ZC3HAV1: variants seen among roughly 807,000 people sequenced by gnomAD.
ZC3HAV1 encodes the protein zinc finger CCCH-type containing, antiviral 1.
ZC3HAV1 carries 41 observed loss-of-function variants against 86.6 expected under a neutral mutation model. That is an observed-to-expected ratio of 0.47 (90% CI 0.37 to 0.61). The LOEUF is 0.61. Ranked by LOEUF, ZC3HAV1 falls within the 20% of genes least tolerant of loss-of-function variation. The pLI is 0.00. For synonymous variants in ZC3HAV1, 421 were observed against 432.1 expected (o/e 0.97, Z 0.32); for missense variants, 964 against 1,141.1 (o/e 0.84, Z 2.24).
At chr7:139,050,028 A>C (rs938169503) in intron 12 of ZC3HAV1, 5 of 159,908 alleles carry the variant, frequency 3.1e-5, no homozygotes, top group African/African-American at 1.2e-4. Flanking sequence ...ACCGCAGGCC[A>C]CTTATGGGAA....
At chr7:139,090,434 A>C (rs187137594) in intron 1 of ZC3HAV1, among the ~76,000 whole-genome samples, 50 of 152,290 alleles carry the variant, frequency 3.3e-4, no homozygotes, top group African/African-American at 1.1e-3. Flanking sequence ...AAAATATGTC[A>C]ATTTCCATAA....
chr7:139,094,010 G>A (rs1415376016), intron 1 of ZC3HAV1, among the ~76,000 whole-genome samples: 1 of 152,134 alleles, frequency 6.6e-6, no homozygotes, highest in Non-Finnish European at 1.5e-5. Flanking sequence ...TGGCCTCTTG[G>A]GGTTTGCTAA....
At chr7:139,067,570 T>C (rs1334480858) in intron 7 of ZC3HAV1, among the ~76,000 whole-genome samples, 1 of 152,098 alleles carries the variant, frequency 6.6e-6, no homozygotes, top group African/African-American at 2.4e-5. Context: ...TAGGGCAGGT[T>C]GGGAGGGGAG....
chr7:139,104,289 TC>T (rs1178902250), intron 1 of ZC3HAV1, among the ~76,000 whole-genome samples: 1 of 134,152 alleles, frequency 7.5e-6, no homozygotes, highest in Non-Finnish European at 1.6e-5. Flanking sequence ...AACACCCACA[TC>T]GGCAAAAACC....
intron 4 of ZC3HAV1, among the ~76,000 whole-genome samples, chr7:139,078,908 T>C (rs2236423): frequency 0.29 from 43,435 of 152,142 alleles, 7,324 homozygotes; most frequent in East Asian, 0.43. Context: ...AATGTGGCAG[T>C]TTATTCCCTG....
intron 7 of ZC3HAV1, among the ~76,000 whole-genome samples, chr7:139,070,403 A>G (rs1013956394): frequency 1.3e-5 from 2 of 152,130 alleles, no homozygotes; most frequent in African/African-American, 2.4e-5. Flanking sequence ...AGTGGCTCAC[A>G]TCTGTAATCC....
At position 139,059,892 on chromosome 7, in the gene ZC3HAV1, C is replaced by T. The variant is rs140574253; in HGVS notation, c.2096+1144G>A. On this transcript the variant is annotated intron_variant, in intron 9 of 12. Transcript: ENST00000242351. The stretch of plus-strand genomic sequence containing the variant: ...CCTGATCAGTGTTCGGAATGTGTTA[C>T]CCAAGCAACCGTGAGGAAGGTATTA... Among the ~76,000 whole-genome samples the T allele has an allele frequency of 7.9e-5, 12 of 152,222 alleles. No individual in the cohort carries two copies. In the East Asian group the frequency reaches 1.9e-3, roughly 24 times the overall value.
At chr7:139,106,592 G>T (rs1817942737) in intron 1 of ZC3HAV1, among the ~76,000 whole-genome samples, 1 of 152,040 alleles carries the variant, frequency 6.6e-6, no homozygotes, top group African/African-American at 2.4e-5. Flanking sequence ...CCAGCCTTGG[G>T]TGACCCTATC....
chr7:139,071,639 T>G (rs899412217), intron 7 of ZC3HAV1, among the ~76,000 whole-genome samples: 1 of 152,154 alleles, frequency 6.6e-6, no homozygotes, highest in Non-Finnish European at 1.5e-5. Context: ...CAAAGTTTAA[T>G]ATCATAGGTG....
intron 1 of ZC3HAV1, among the ~76,000 whole-genome samples, chr7:139,095,555 C>G (rs557297449): frequency 1.3e-5 from 2 of 152,138 alleles, no homozygotes; most frequent in South Asian, 4.1e-4. Context: ...CAGCCTGCAC[C>G]GAGGAGGAAG....
At chr7:139,050,714 T>C (rs1816096731) in intron 12 of ZC3HAV1, among the ~76,000 whole-genome samples, 1 of 152,196 alleles carries the variant, frequency 6.6e-6, no homozygotes, top group African/African-American at 2.4e-5. Context: ...AATTCTAACA[T>C]AGGATAGACC....
intron 7 of ZC3HAV1, among the ~76,000 whole-genome samples, chr7:139,065,774 T>G (rs1476780435): frequency 5.9e-5 from 9 of 151,940 alleles, no homozygotes; most frequent in Non-Finnish European, 1.2e-4. Flanking sequence ...CGTGGTGGCA[T>G]GCACCTGTAG....
chr7:139,067,855 T>C (rs1019603014), intron 7 of ZC3HAV1, among the ~76,000 whole-genome samples: 1 of 151,976 alleles, frequency 6.6e-6, no homozygotes, highest in Non-Finnish European at 1.5e-5. Context: ...AGACGAGTCA[T>C]AAATTATGAA....
In ZC3HAV1 at chr7:139,047,518, C is replaced by T; in HGVS notation, c.*76G>A. The T allele has an allele frequency of 1.9e-6, 3 of 1,585,706 alleles. No individual in the cohort carries two copies. The highest frequency in any genetic ancestry group is 2.6e-6 in the Non-Finnish European group (3 of 1,167,392). The stretch of plus-strand genomic sequence containing the variant: ...TGAGCAGGAAAATATAAAACTTTAA[C>T]TCCTGTCTGCGGCAATTTAGTTCTG... On this transcript the variant is annotated 3_prime_UTR_variant, in exon 13 of 13. Coordinates refer to ENST00000242351, the MANE Select transcript of ZC3HAV1 (RefSeq NM_020119.4).
At chr7:139,091,395 A>C (rs905338071) in intron 1 of ZC3HAV1, among the ~76,000 whole-genome samples, 1 of 151,958 alleles carries the variant, frequency 6.6e-6, no homozygotes, top group Non-Finnish European at 1.5e-5. Context: ...GTGAACCCGG[A>C]AGGCGGAGCT....
At chr7:139,060,745 C>A (rs1320138786) in intron 9 of ZC3HAV1, 2 of 1,231,922 alleles carry the variant, frequency 1.6e-6, no homozygotes, top group East Asian at 4.8e-5. Context: ...CTTAGGTGTA[C>A]TGCATCAATC....
intron 3 of ZC3HAV1, among the ~76,000 whole-genome samples, chr7:139,082,180 A>T (rs1462941632): frequency 6.6e-6 from 1 of 152,016 alleles, no homozygotes; most frequent in Admixed American, 6.6e-5. Flanking sequence ...CAGAAGAATC[A>T]CTTGAACCCA....
At chr7:139,060,565 G>A in intron 9 of ZC3HAV1, 1 of 1,003,372 alleles carries the variant, frequency 1.0e-6, no homozygotes, top group South Asian at 4.1e-5. Flanking sequence ...GCAAAGCCAG[G>A]CACGGTGGCT....
chr7:139,102,977 T>TGA (rs1817820929), intron 1 of ZC3HAV1, among the ~76,000 whole-genome samples: 1 of 149,958 alleles, frequency 6.7e-6, no homozygotes, highest in Non-Finnish European at 1.5e-5. Context: ...TGTATATGTG[T>TGA]GTGTGTGTTT....
Sources: allele counts gnomAD v4.1 joint callset (sites outside exome capture counted in the v4.1 genomes callset), GRCh38; gene constraint gnomAD v4.1.1; transcripts MANE v1.5; gene names NCBI Gene and HGNC (gene_info 2026-07-23, HGNC 2026-07-21).